Variants in DNAI7 observed in about 807,000 individuals in gnomAD.
DNAI7 encodes dynein axonemal intermediate chain 7, also known as cancer susceptibility 1.
In DNAI7, 78 loss-of-function variants were observed where a neutral mutation model predicts 86.6. That is an observed-to-expected ratio of 0.90 (90% confidence interval 0.75 to 1.09). The LOEUF (loss-of-function observed/expected upper bound fraction) is 1.09, where lower values mean the gene tolerates loss of function less well. Ranked by LOEUF, DNAI7 falls within the 50% of genes least tolerant of loss-of-function variation. DNAI7 has a pLI of 0.00. For synonymous variants in DNAI7, 274 were observed against 273.0 expected (o/e 1.00, Z -0.04); for missense variants, 753 against 810.2 (o/e 0.93, Z 0.86).
chr12:25,117,622 T>A (rs948001926), intron 12 of DNAI7, among the ~76,000 whole-genome samples: 1 of 152,178 alleles, frequency 6.6e-6, no homozygotes, highest in Non-Finnish European at 1.5e-5. Flanking sequence ...GAGGTATTTG[T>A]TAATGATTAA....
intron 2 of DNAI7, among the ~76,000 whole-genome samples, chr12:25,185,146 A>C (rs1171847878): frequency 6.6e-6 from 1 of 152,040 alleles, no homozygotes; most frequent in Non-Finnish European, 1.5e-5. Context: ...TCTAAAATAA[A>C]ATAAAATAAA....
intron 12 of DNAI7, among the ~76,000 whole-genome samples, chr12:25,116,350 T>C (rs986766789): frequency 6.6e-6 from 1 of 152,216 alleles, no homozygotes; most frequent in African/African-American, 2.4e-5. Context: ...AAATAAATTC[T>C]CCAAATTTCT....
chr12:25,161,306 C>A, intron 2 of DNAI7, 109 bp from the exon 3 acceptor site: 2 of 908,270 alleles, frequency 2.2e-6, no homozygotes, highest in Non-Finnish European at 3.6e-6. Context: ...ATAAAACCAG[C>A]CTTTCATGCA....
chr12:25,130,099 A>G (rs941693515), intron 9 of DNAI7, among the ~76,000 whole-genome samples: 1 of 152,112 alleles, frequency 6.6e-6, no homozygotes, highest in Non-Finnish European at 1.5e-5. Flanking sequence ...AATCTCTCTC[A>G]TTGCATATAT....
intron 2 of DNAI7, among the ~76,000 whole-genome samples, chr12:25,186,584 C>G (rs1950056375): frequency 6.6e-6 from 1 of 152,204 alleles, no homozygotes; most frequent in South Asian, 2.1e-4. Flanking sequence ...TCCAAAAAGA[C>G]AGGTAAGGCA....
chr12:25,119,866 G>A (rs912891726), intron 11 of DNAI7, among the ~76,000 whole-genome samples: 1 of 152,170 alleles, frequency 6.6e-6, no homozygotes, highest in African/African-American at 2.4e-5. Context: ...AGGGAAGGAA[G>A]AAAGATTTAA....
At position 25,132,698 on chromosome 12, in the gene DNAI7, G is replaced by A. The variant is rs1388824704; in HGVS notation, c.1003-9412C>T. The stretch of plus-strand genomic sequence containing the variant: ...AGATTTACACTTCTAATAACGGTAT[G>A]TGAAGACGCCTGCCTGCTCAATCTG... On this transcript the variant is annotated intron_variant, in intron 9 of 15. Coordinates refer to ENST00000395987, the MANE Select transcript of DNAI7 (RefSeq NM_018272.5). Among the ~76,000 whole-genome samples, 2 of 150,452 alleles carry A rather than the reference G, an allele frequency of 1.3e-5. 1 individual carries two copies. Among genetic ancestry groups the A allele is most frequent in the African/African-American group, 5.0e-5 (2 of 39,822 alleles).
chr12:25,154,602 C>A, intron 5 of DNAI7, 146 bp from the exon 6 acceptor site: 1 of 699,090 alleles, frequency 1.4e-6, no homozygotes, highest in East Asian at 3.0e-5. Flanking sequence ...CTTGAGAGAG[C>A]TCTAAAATAA....
intron 15 of DNAI7, 150 bp from the exon 16 acceptor site, chr12:25,108,973 A>G (rs1193496549): frequency 1.1e-5 from 6 of 540,624 alleles, no homozygotes; most frequent in Admixed American, 7.2e-5. Flanking sequence ...CTGGGTTTTG[A>G]AAAACCATCA....
chr12:25,156,485 T>C (rs1190863270), intron 4 of DNAI7, among the ~76,000 whole-genome samples: 1 of 152,226 alleles, frequency 6.6e-6, no homozygotes, highest in Non-Finnish European at 1.5e-5. Flanking sequence ...CCTGGCGTGG[T>C]GGCTCACATC....
intron 7 of DNAI7, among the ~76,000 whole-genome samples, chr12:25,149,021 G>C (rs1945188257): frequency 6.6e-6 from 1 of 151,578 alleles, no homozygotes; most frequent in Non-Finnish European, 1.5e-5. Flanking sequence ...TTTTGAGACA[G>C]AGTCTGCCTC....
At chr12:25,158,222 C>G (rs542519015) in intron 4 of DNAI7, among the ~76,000 whole-genome samples, 4 of 151,710 alleles carry the variant, frequency 2.6e-5, no homozygotes, top group Admixed American at 2.6e-4. Context: ...GAGCGAGACT[C>G]CATCTCAAGA....
chr12:25,135,463 C>T (rs1367264033), intron 9 of DNAI7, among the ~76,000 whole-genome samples: 3 of 152,080 alleles, frequency 2.0e-5, no homozygotes, highest in African/African-American at 7.2e-5. Context: ...CACAAATTTT[C>T]CTGGGCAGGA....
rs745474771 is a variant in DNAI7, at chr12:25,195,114, C to A, written c.-36G>T. On this transcript the variant is annotated 5_prime_UTR_variant, in exon 1 of 16. Coordinates refer to ENST00000395987, the MANE Select transcript of DNAI7 (RefSeq NM_018272.5). ...GCTCCACTGCAGTAGTCCGCAGAGT[C>A]GGAGCAGAAATTGTGTGGACAAACG... is the stretch of plus-strand genomic sequence containing the variant. The A allele has an allele frequency of 7.8e-5, 126 of 1,609,398 alleles. No homozygotes were observed. Among genetic ancestry groups the A allele is most frequent in the Non-Finnish European group, 1.0e-4 (123 of 1,175,878 alleles).
At chr12:25,116,844 G>C (rs1008756445) in intron 12 of DNAI7, among the ~76,000 whole-genome samples, 1 of 152,192 alleles carries the variant, frequency 6.6e-6, no homozygotes, top group Non-Finnish European at 1.5e-5. Context: ...TACCATTAAA[G>C]TGACACCTCT....
At chr12:25,144,342 G>A (rs772359793) in intron 9 of DNAI7, 23 bp downstream of exon 9, 16 of 1,568,170 alleles carry the variant, frequency 1.0e-5, no homozygotes, top group Admixed American at 5.2e-5. Flanking sequence ...ATAAAAAAAT[G>A]TGTATATTTA....
At chr12:25,134,093 C>T (rs888973330) in intron 9 of DNAI7, among the ~76,000 whole-genome samples, 1 of 152,066 alleles carries the variant, frequency 6.6e-6, no homozygotes. Flanking sequence ...CTCCTGGGCT[C>T]AGGCAATCCT....
intron 12 of DNAI7, among the ~76,000 whole-genome samples, chr12:25,115,771 T>C (rs1300104080): frequency 6.6e-6 from 1 of 152,158 alleles, no homozygotes; most frequent in Non-Finnish European, 1.5e-5. Flanking sequence ...TCTTTGAAAG[T>C]TAAATATAAA....
intron 2 of DNAI7, among the ~76,000 whole-genome samples, chr12:25,182,501 A>T (rs1426583566): frequency 6.6e-6 from 1 of 151,894 alleles, no homozygotes; most frequent in Non-Finnish European, 1.5e-5. Flanking sequence ...AGTCCCAGCT[A>T]CTCAGGCTGA....
Sources: gnomAD v4.1 joint callset for allele counts (sites outside exome capture counted in the v4.1 genomes callset) on GRCh38, gnomAD v4.1.1 for gene constraint, MANE v1.5 for transcripts, NCBI Gene and HGNC (gene_info 2026-07-23, HGNC 2026-07-21) for gene names.